EML4: variants seen among roughly 807,000 people sequenced by gnomAD.
The protein encoded by EML4 is echinoderm microtubule-associated protein-like 4.
A neutral mutation model predicts 129.0 loss-of-function variants in EML4; 72 were observed. That is an observed-to-expected ratio of 0.56 (90% CI 0.46 to 0.68). EML4 has a LOEUF of 0.68. Ranked by LOEUF, EML4 falls within the 30% of genes least tolerant of loss-of-function variation. The pLI is 0.00. For missense variants in EML4, 1,363 were observed against 1,190.6 expected (o/e 1.14, Z -2.13); for synonymous variants, 532 against 405.0 (o/e 1.31, Z -3.77).
intron 1 of EML4, among the ~76,000 whole-genome samples, chr2:42,204,675 A>G (rs1186910445): frequency 3.9e-5 from 6 of 152,224 alleles, no homozygotes; most frequent in Non-Finnish European, 7.3e-5. Context: ...TGGTGATGGG[A>G]TCAGATTTGG....
chr2:42,254,977 G>A (rs1372438377), intron 2 of EML4, among the ~76,000 whole-genome samples: 1 of 152,178 alleles, frequency 6.6e-6, no homozygotes, highest in East Asian at 1.9e-4. Flanking sequence ...ACAACATGGT[G>A]AACCTTGAAA....
chr2:42,259,722 CTTTTTTTTTTTTTTTTT>C (rs780243101), intron 3 of EML4, among the ~76,000 whole-genome samples: 2 of 98,316 alleles, frequency 2.0e-5, no homozygotes, highest in South Asian at 4.0e-4. Context: ...TTCTTTCTTT[CTTTTTTTTTTTTTTTTT>C]TTTTTTTTGA....
chr2:42,247,851 A>G (rs907050610), intron 2 of EML4, among the ~76,000 whole-genome samples: 9 of 152,096 alleles, frequency 5.9e-5, no homozygotes, highest in African/African-American at 9.7e-5. Flanking sequence ...TTGTATAGAG[A>G]GGGAAGAACA....
At chr2:42,313,321 ATGCTG>A (rs1015700959) in intron 17 of EML4, among the ~76,000 whole-genome samples, 1 of 152,192 alleles carries the variant, frequency 6.6e-6, no homozygotes, top group African/African-American at 2.4e-5. Flanking sequence ...GTATAAAACT[ATGCTG>A]TGCCTCGACC....
At chr2:42,325,604 A>ATATATATATATATATATATGCTATGAT (rs1669756551) in intron 20 of EML4, 50 bp downstream of exon 20, 1 of 37,714 alleles carries the variant, frequency 2.7e-5, no homozygotes, top group Non-Finnish European at 4.2e-5. Flanking sequence ...GATTATATTT[A>ATATATATATATATATATATGCTATGAT]TATATATATA....
chr2:42,193,526 C>A (rs951221438), intron 1 of EML4, among the ~76,000 whole-genome samples: 1 of 152,010 alleles, frequency 6.6e-6, no homozygotes, highest in Non-Finnish European at 1.5e-5. Context: ...AGGGCCAAAC[C>A]CAATCTGATG....
At chr2:42,183,579 A>G (rs2579969) in intron 1 of EML4, among the ~76,000 whole-genome samples, 38,225 of 152,018 alleles carry the variant, frequency 0.25, 5,236 homozygotes, top group East Asian at 0.56. Context: ...GGTTTTTGGT[A>G]TATGTATATG....
At chr2:42,324,933 C>T (rs1259210872) in intron 19 of EML4, among the ~76,000 whole-genome samples, 4 of 152,120 alleles carry the variant, frequency 2.6e-5, no homozygotes, top group East Asian at 3.8e-4. Context: ...TGGAGTACAG[C>T]GTTGGGTGAA....
chr2:42,252,252 T>C (rs1675824689), intron 2 of EML4, among the ~76,000 whole-genome samples: 1 of 152,232 alleles, frequency 6.6e-6, no homozygotes, highest in Admixed American at 6.5e-5. Context: ...GGTCGTCTAC[T>C]TGAGTCTGTC....
At chr2:42,287,754 C>T (rs1029653275) in intron 10 of EML4, among the ~76,000 whole-genome samples, 1 of 152,118 alleles carries the variant, frequency 6.6e-6, no homozygotes, top group African/African-American at 2.4e-5. Flanking sequence ...TCAGGTATCT[C>T]ACAGAAAACT....
chr2:42,308,388 T>TA (rs1403395331), intron 17 of EML4, among the ~76,000 whole-genome samples: 1 of 152,050 alleles, frequency 6.6e-6, no homozygotes, highest in African/African-American at 2.4e-5. Context: ...TGTGCACCTG[T>TA]AGTCCCTGCT....
Position 42,331,607 on chromosome 2 carries a change from TAAG to T in EML4, c.*1404_*1406del, listed in dbSNP as rs1229465690. 4 of 224,434 alleles carry T rather than the reference TAAG, an allele frequency of 1.8e-5. No homozygotes were observed. The highest frequency in any genetic ancestry group is 3.6e-5 in the Non-Finnish European group (4 of 112,320). 13.9% of individuals were successfully genotyped at this position (224,434 alleles called of 1,614,324 possible). On this transcript the variant is annotated 3_prime_UTR_variant, in exon 23 of 23. Coordinates refer to ENST00000318522, the MANE Select transcript of EML4 (RefSeq NM_019063.5). Reference sequence around the variant, plus strand: ...TCATGTTTAGAAACTTTGGATGAGTTAAGAAGTCTTAAGTATGCAGGCGTTTAC... The same window carrying T: ...TCATGTTTAGAAACTTTGGATGAGTTAAGTCTTAAGTATGCAGGCGTTTAC...
At chr2:42,245,129 C>T (rs1417417773) in intron 1 of EML4, among the ~76,000 whole-genome samples, 3 of 51,504 alleles carry the variant, frequency 5.8e-5, no homozygotes, top group East Asian at 8.8e-4. Context: ...GACTCTTGCT[C>T]TGTTGCCCAG....
chr2:42,240,742 A>G (rs1674973170), intron 1 of EML4, among the ~76,000 whole-genome samples: 1 of 152,236 alleles, frequency 6.6e-6, no homozygotes, highest in Non-Finnish European at 1.5e-5. Flanking sequence ...AGCATCCTGT[A>G]TTGCCATGCC....
At chr2:42,286,811 T>A (rs1572692598) in intron 10 of EML4, among the ~76,000 whole-genome samples, 1 of 152,352 alleles carries the variant, frequency 6.6e-6, no homozygotes, top group East Asian at 1.9e-4. Context: ...GATGTCATAT[T>A]TGAGCAGCAG....
intron 19 of EML4, chr2:42,325,182 C>T (rs1253727122): frequency 1.9e-6 from 1 of 537,370 alleles, no homozygotes; most frequent in East Asian, 5.0e-5. Context: ...GTATGTGTTG[C>T]AATGTCCTGT....
chr2:42,276,377 A>G (rs1666657753), intron 6 of EML4, among the ~76,000 whole-genome samples: 2 of 152,102 alleles, frequency 1.3e-5, no homozygotes, highest in South Asian at 2.1e-4. Flanking sequence ...GGTATGGGGT[A>G]TTCGAATACA....
chr2:42,174,121 G>T (rs1670434701), intron 1 of EML4, among the ~76,000 whole-genome samples: 1 of 152,126 alleles, frequency 6.6e-6, no homozygotes, highest in South Asian at 2.1e-4. Flanking sequence ...ACTGTATTTT[G>T]TATGTGGGAG....
At chr2:42,185,779 C>T (rs1460634065) in intron 1 of EML4, among the ~76,000 whole-genome samples, 1 of 152,088 alleles carries the variant, frequency 6.6e-6, no homozygotes, top group Non-Finnish European at 1.5e-5. Flanking sequence ...TTTGCTCGTA[C>T]TGGGGAGAAT....
Sources: allele counts gnomAD v4.1 joint callset (sites outside exome capture counted in the v4.1 genomes callset), GRCh38; gene constraint gnomAD v4.1.1; transcripts MANE v1.5; gene names NCBI Gene and HGNC (gene_info 2026-07-23, HGNC 2026-07-21).